The following MKLN1 variants were observed in gnomAD, a reference collection of about 807,000 sequenced individuals.
MKLN1 encodes the protein muskelin.
A neutral mutation model predicts 99.0 loss-of-function variants in MKLN1; 18 were observed. The ratio of observed to expected loss-of-function variants is 0.18; its 90% CI spans 0.13 to 0.27. The LOEUF (loss-of-function observed/expected upper bound fraction) is 0.27, where lower values mean the gene tolerates loss of function less well. Among genes scored for constraint, MKLN1 ranks in the 10% least tolerant of loss-of-function variants. The probability of loss-of-function intolerance (pLI) is 1.00; values close to 1 mark genes in which losing one functional copy is unlikely to be tolerated. For synonymous variants in MKLN1, 288 were observed against 293.2 expected (o/e 0.98, Z 0.18); for missense variants, 621 against 875.9 (o/e 0.71, Z 3.67).
Position 131,463,384 on chromosome 7 carries a change from G to A in MKLN1, c.1673+20G>A, listed in dbSNP as rs750017860. 4 of 1,600,442 alleles carry A rather than the reference G, an allele frequency of 2.5e-6. No homozygotes were observed. In the South Asian group the frequency reaches 4.5e-5, roughly 18 times the overall value. On this transcript the variant is annotated intron_variant, in intron 13 of 17. Transcript: ENST00000352689. ...TAGTTGGTAAGGAACTCTTGTCTCT[G>A]CTGCAATCCCAATGTAATAATTATT...
At chr7:131,327,623 G>A (rs1268065801), upstream of MKLN1, 6 of 420,556 alleles carry the variant, frequency 1.4e-5, no homozygotes, top group African/African-American at 4.2e-5. Flanking sequence ...ACCTCTGCTT[G>A]TAAGAAAAGT....
At position 131,429,091 on chromosome 7, in the gene MKLN1, G is replaced by A. The variant is rs140164046; in HGVS notation, c.906G>A (p.Ala302=). Residue 302 remains alanine, a synonymous_variant, in exon 9 of 18, where the codon GCG becomes GCA. Coordinates refer to ENST00000352689, the MANE Select transcript of MKLN1 (RefSeq NM_013255.5). Reference sequence around the variant, plus strand: ...CACAAGATCTTGCTGACTTCTGGGCGTACAGTGTGAAGGAGAACCAGTGGA... The same window carrying A: ...CACAAGATCTTGCTGACTTCTGGGCATACAGTGTGAAGGAGAACCAGTGGA... ...DGTQDLADFW[A]YSVKENQWTC... 32 of 1,613,720 alleles carry A rather than the reference G, an allele frequency of 2.0e-5. No homozygotes were observed. Among genetic ancestry groups the A allele is most frequent in the African/African-American group, 1.2e-4 (9 of 74,872 alleles).
chr7:131,429,028 C>A lies in MKLN1; in HGVS notation c.848-5C>A. ...TTTTTACACATATTTTTCTGATTTT[C>A]ATAGAGACTGTTTATTTGTTTGGTG... On this transcript the variant is annotated splice_polypyrimidine_tract_variant and splice_region_variant and intron_variant, in intron 8 of 17. Transcript: ENST00000352689. The A allele has an allele frequency of 6.2e-7, 1 of 1,606,012 alleles. No individual in the cohort carries two copies. Among genetic ancestry groups the A allele is most frequent in the Non-Finnish European group, 8.5e-7 (1 of 1,174,198 alleles).
At position 131,488,535 on chromosome 7, in the gene MKLN1, G is replaced by A. The variant is rs1239371576; in HGVS notation, c.*807G>A. 4 of 152,482 alleles carry A rather than the reference G, an allele frequency of 2.6e-5. No individual in the cohort carries two copies. Among genetic ancestry groups the A allele is most frequent in the Non-Finnish European group, 5.9e-5 (4 of 68,002 alleles). 9.4% of individuals were successfully genotyped at this position (152,482 alleles called of 1,614,324 possible). ...AACCTTTTTAAGAGCCATTCTAAAAGTGACCAGCAGGAGGGATCTAGTAGT... is the reference window on the plus strand; with the variant it reads ...AACCTTTTTAAGAGCCATTCTAAAAATGACCAGCAGGAGGGATCTAGTAGT... On this transcript the variant is annotated 3_prime_UTR_variant, in exon 18 of 18. Transcript: ENST00000352689.
intron 3 of MKLN1, among the ~76,000 whole-genome samples, chr7:131,260,209 A>AT (rs895550628): frequency 4.6e-5 from 7 of 151,822 alleles, no homozygotes; most frequent in Non-Finnish European, 7.4e-5. Flanking sequence ...TGCCTGGCTA[A>AT]TTTTTTTTGT....
At chr7:131,325,416 C>T (rs139800977), upstream of MKLN1, among the ~76,000 whole-genome samples, 26 of 152,226 alleles carry the variant, frequency 1.7e-4, no homozygotes, top group African/African-American at 5.8e-4. Flanking sequence ...TTCGGCCAGA[C>T]GCAGTGGCTC....
rs1359865984 is a variant in MKLN1 at position 131,470,907 on chromosome 7, T to G, written c.1994T>G (p.Ile665Arg). The G allele has an allele frequency of 1.9e-6, 3 of 1,612,904 alleles. No individual in the cohort carries two copies. The highest frequency in any genetic ancestry group is 2.5e-6 in the Non-Finnish European group (3 of 1,179,178). ...AAATATTTACAAAATGATCTTTATATAACTGTGGATCATTCAGACCCAGAA... is the reference window on the plus strand; with the variant it reads ...AAATATTTACAAAATGATCTTTATAGAACTGTGGATCATTCAGACCCAGAA... ...ALKYLQNDLY[I>R]TVDHSDPEET... Residue 665 changes from isoleucine to arginine, a missense_variant, in exon 16 of 18, where the codon ATA becomes AGA. By Grantham distance (97) the Ile-to-Arg change is moderately conservative. Around this residue, in one of 8 missense-constraint regions of MKLN1, gnomAD observed 126 missense variants for 157.4 expected, o/e 0.80. Transcript: ENST00000352689.
chr7:131,182,530 A>G (rs886218479), intron 2 of MKLN1, among the ~76,000 whole-genome samples: 1 of 152,258 alleles, frequency 6.6e-6, no homozygotes, highest in Non-Finnish European at 1.5e-5. Context: ...ACCAAACCTT[A>G]TATCTTCCAG....
chr7:131,325,763 G>A (rs3757395), upstream of MKLN1, among the ~76,000 whole-genome samples: 1 of 151,510 alleles, frequency 6.6e-6, no homozygotes, highest in East Asian at 1.9e-4. Flanking sequence ...GCTGGAGTTA[G>A]CCAGGTAAAG....
chr7:131,403,437 T>C (rs1794609880), intron 6 of MKLN1, among the ~76,000 whole-genome samples: 1 of 152,370 alleles, frequency 6.6e-6, no homozygotes, highest in Admixed American at 6.5e-5. Context: ...ACAATAAGTC[T>C]GTTTTGCTTT....
chr7:131,156,204 T>G (rs1795961031), intron 2 of MKLN1, among the ~76,000 whole-genome samples: 1 of 152,116 alleles, frequency 6.6e-6, no homozygotes, highest in Admixed American at 6.5e-5. Context: ...TAGTTTATCA[T>G]GATTTTTTGA....
intron 16 of MKLN1, among the ~76,000 whole-genome samples, chr7:131,472,913 A>G (rs1796862511): frequency 6.9e-6 from 1 of 145,544 alleles, no homozygotes; most frequent in Non-Finnish European, 1.5e-5. Context: ...GTGCCACTGC[A>G]CTGCAGCCTG....
intron 1 of MKLN1, among the ~76,000 whole-genome samples, chr7:131,128,794 G>A (rs779022308): frequency 2.0e-4 from 31 of 151,314 alleles, no homozygotes; most frequent in Admixed American, 9.9e-4. Context: ...GAGATGGGGC[G>A]TCCCTATGTT....
At chr7:131,376,342 T>TA (rs35692782) in intron 2 of MKLN1, among the ~76,000 whole-genome samples, 26,055 of 131,390 alleles carry the variant, frequency 0.2, 2,871 homozygotes, top group East Asian at 0.37. Context: ...TGATCTATGT[T>TA]AAAAAAAAAA....
At chr7:131,134,991 G>C (rs940914886) in intron 1 of MKLN1, among the ~76,000 whole-genome samples, 1 of 152,044 alleles carries the variant, frequency 6.6e-6, no homozygotes, top group Admixed American at 6.5e-5. Flanking sequence ...CTCTTTTCTT[G>C]GAACAGTTTT....
At position 131,495,703 on chromosome 7, in the gene MKLN1, C is replaced by T. The variant is rs1797540014; in HGVS notation, c.*7975C>T. 1 of 152,070 alleles carries T rather than the reference C, an allele frequency of 6.6e-6. No individual in the cohort carries two copies. The highest frequency in any genetic ancestry group is 2.4e-5 in the African/African-American group (1 of 41,404). 9.4% of individuals were successfully genotyped at this position (152,070 alleles called of 1,614,324 possible). A position where few individuals can be genotyped will look rare whatever the true frequency, so the allele number is the denominator to read the frequency against. On this transcript the variant is annotated 3_prime_UTR_variant, in exon 18 of 18. Transcript: ENST00000352689. ...CTTATTTATATTCCTTTGAGCATTG[C>T]CGTTTTCTAGACAGACAATCCGAAA...
intron 1 of MKLN1, among the ~76,000 whole-genome samples, chr7:131,351,675 G>A (rs1799724012): frequency 6.6e-6 from 1 of 151,958 alleles, no homozygotes; most frequent in African/African-American, 2.4e-5. Flanking sequence ...TGTTGCCTAG[G>A]CTGGTCTTAA....
Position 131,223,985 on chromosome 7 carries a change from C to T in MKLN1, c.-179+21011C>T, listed in dbSNP as rs138692098. ...TTCACCATGTTAGTCAGGCTGATCTCGAACTCCTGACCTCGTGATCTGCCC... is the reference window on the plus strand; with the variant it reads ...TTCACCATGTTAGTCAGGCTGATCTTGAACTCCTGACCTCGTGATCTGCCC... On this transcript the variant is annotated intron_variant, in intron 3 of 7. Coordinates refer to the MKLN1 transcript ENST00000416992. Among the ~76,000 whole-genome samples, 313 of 152,134 alleles carry T rather than the reference C, an allele frequency of 2.1e-3. 1 individual carries two copies. Among genetic ancestry groups the T allele is most frequent in the Non-Finnish European group, 3.7e-3 (254 of 68,012 alleles).
At chr7:131,275,560 TATATATA>T (rs1391277587) in intron 3 of MKLN1, among the ~76,000 whole-genome samples, 32 of 30,812 alleles carry the variant, frequency 1.0e-3, no homozygotes, top group African/African-American at 5.5e-3. Context: ...TATATATATA[TATATATA>T]TTTTTTTTTT....
Sources: gnomAD v4.1 joint callset for allele counts (sites outside exome capture counted in the v4.1 genomes callset) on GRCh38, gnomAD v4.1.1 for gene constraint, gnomAD v4.1.1 regional missense constraint, MANE v1.5 for transcripts, NCBI Gene and HGNC (gene_info 2026-07-23, HGNC 2026-07-21) for gene names.